The following CARS2 variants were observed in gnomAD, a reference collection of about 807,000 sequenced individuals.
CARS2 encodes the protein probable cysteine--tRNA ligase, mitochondrial.
CARS2 carries 52 observed loss-of-function variants against 68.8 expected under a neutral mutation model. The observed-to-expected ratio is 0.76, with a 90% CI of 0.61 to 0.95. The LOEUF (loss-of-function observed/expected upper bound fraction) is 0.95. Among genes scored for constraint, CARS2 ranks in the 40% least tolerant of loss-of-function variants. The pLI, the probability that CARS2 is intolerant of heterozygous loss-of-function variation, is 0.00. For missense variants in CARS2, 780 were observed against 754.2 expected (o/e 1.03, Z -0.40); for synonymous variants, 314 against 303.6 (o/e 1.03, Z -0.36).
At chr13:110,645,860 G>A in intron 12 of CARS2, 107 bp downstream of exon 12, 1 of 1,388,922 alleles carries the variant, frequency 7.2e-7, no homozygotes, top group Non-Finnish European at 9.7e-7. Flanking sequence ...GCTGCGGGAG[G>A]CGAAATCAGC....
chr13:110,659,227 T>G (rs770122819), intron 9 of CARS2, among the ~76,000 whole-genome samples: 6 of 152,050 alleles, frequency 3.9e-5, no homozygotes, highest in African/African-American at 1.4e-4. Context: ...GCCCTGAATA[T>G]GCCTCCCTGG....
Position 110,672,173 on chromosome 13 carries a change from G to A in CARS2, c.786-4700C>T, listed in dbSNP as rs530499093. Reference sequence around the variant, plus strand: ...CAGATCAATGAGACAGAAAGTTAACGAGGATATCCAGGAATTGAACTCAGA... The same window carrying A: ...CAGATCAATGAGACAGAAAGTTAACAAGGATATCCAGGAATTGAACTCAGA... On this transcript the variant is annotated intron_variant, in intron 7 of 14. Coordinates refer to ENST00000257347, the MANE Select transcript of CARS2 (RefSeq NM_024537.4). Among the ~76,000 whole-genome samples, 41 of 152,112 alleles carry A rather than the reference G, an allele frequency of 2.7e-4. 1 individual carries two copies. The highest frequency in any genetic ancestry group is 1.6e-3 in the Admixed American group (24 of 15,266).
chr13:110,642,480 C>A lies in CARS2; in HGVS notation c.1458G>T (p.Val486=). The A allele has an allele frequency of 6.2e-7, 1 of 1,610,460 alleles. No homozygotes were observed. The highest frequency in any genetic ancestry group is 8.5e-7 in the Non-Finnish European group (1 of 1,178,858). ...GCCGGAACCGCACCAGCTCGTCCAC[C>A]ACACCATGCAAGGTAGCCTCGCTGC... ...GDGSEATLHG[V]VDELVRFRQK... Residue 486 remains valine, a synonymous_variant, in exon 14 of 15, where the codon GTG becomes GTT. Coordinates refer to ENST00000257347, the MANE Select transcript of CARS2 (RefSeq NM_024537.4).
At chr13:110,710,463 T>C (rs1234687318), upstream of CARS2, among the ~76,000 whole-genome samples, 4 of 97,994 alleles carry the variant, frequency 4.1e-5, no homozygotes, top group Non-Finnish European at 8.4e-5. Context: ...ACTGGAAATA[T>C]AATTTTAGAA....
intron 7 of CARS2, among the ~76,000 whole-genome samples, chr13:110,672,322 A>T (rs2062825195): frequency 1.3e-5 from 2 of 152,180 alleles, no homozygotes; most frequent in South Asian, 4.1e-4. Context: ...GAAGTAAAGC[A>T]CTCCTCAGCA....
chr13:110,658,789 C>T (rs1296006960), intron 9 of CARS2, among the ~76,000 whole-genome samples: 1 of 152,044 alleles, frequency 6.6e-6, no homozygotes, highest in East Asian at 1.9e-4. Context: ...ATTAGCCAGG[C>T]ATGGTGGTGT....
At chr13:110,709,937 CAAAAT>C (rs1178284517), upstream of CARS2, among the ~76,000 whole-genome samples, 1 of 152,030 alleles carries the variant, frequency 6.6e-6, no homozygotes, top group African/African-American at 2.4e-5. Context: ...ACAACAATAA[CAAAAT>C]CAAGTTCTCA....
At chr13:110,690,718 C>T (rs2063434778) in intron 3 of CARS2, among the ~76,000 whole-genome samples, 1 of 152,254 alleles carries the variant, frequency 6.6e-6, no homozygotes, top group African/African-American at 2.4e-5. Flanking sequence ...GGCACAGGCT[C>T]ATGGACTTGG....
intron 2 of CARS2, among the ~76,000 whole-genome samples, chr13:110,703,571 T>C (rs1394145713): frequency 6.6e-6 from 1 of 152,264 alleles, no homozygotes; most frequent in Admixed American, 6.5e-5. Flanking sequence ...AAGACTTGAC[T>C]CTCCTAGTTG....
intron 7 of CARS2, among the ~76,000 whole-genome samples, chr13:110,669,346 C>G (rs1256868615): frequency 6.6e-6 from 1 of 152,038 alleles, no homozygotes; most frequent in East Asian, 1.9e-4. Flanking sequence ...AGATAATTAT[C>G]TCCACCCAAA....
intron 3 of CARS2, among the ~76,000 whole-genome samples, chr13:110,700,920 A>G (rs897709421): frequency 2.0e-5 from 3 of 152,202 alleles, no homozygotes; most frequent in Non-Finnish European, 4.4e-5. Flanking sequence ...AGCGATCACA[A>G]TACGATAGAT....
intron 13 of CARS2, 156 bp from the exon 14 acceptor site, chr13:110,642,677 G>C (rs761592702): frequency 1.9e-5 from 15 of 802,136 alleles, no homozygotes; most frequent in Non-Finnish European, 3.1e-5. Context: ...GCAGGGATGG[G>C]TACAGCCCGC....
intron 2 of CARS2, 133 bp from the exon 3 acceptor site, chr13:110,701,688 G>A (rs562461326): frequency 1.0e-5 from 6 of 584,906 alleles, no homozygotes; most frequent in African/African-American, 3.7e-5. Flanking sequence ...CAGCGGAGCA[G>A]GTACAAGGAA....
chr13:110,656,639 C>T (rs1298297380), intron 9 of CARS2, among the ~76,000 whole-genome samples: 1 of 152,122 alleles, frequency 6.6e-6, no homozygotes, highest in African/African-American at 2.4e-5. Flanking sequence ...AAGCCCAGCA[C>T]TTTGGGAGGC....
At chr13:110,641,993 G>A (rs1368789797) in intron 14 of CARS2, among the ~76,000 whole-genome samples, 2 of 152,272 alleles carry the variant, frequency 1.3e-5, no homozygotes, top group Non-Finnish European at 2.9e-5. Context: ...CCTGAGGTCG[G>A]GAGTTTGAGA....
intron 12 of CARS2, 64 bp downstream of exon 12, chr13:110,645,903 C>T (rs966326753): frequency 5.7e-5 from 90 of 1,565,692 alleles, no homozygotes; most frequent in Non-Finnish European, 7.3e-5. Context: ...GAGAAAAACC[C>T]ACCAGAGGAC....
chr13:110,669,378 A>C (rs1002454193), intron 7 of CARS2, among the ~76,000 whole-genome samples: 3 of 152,262 alleles, frequency 2.0e-5, no homozygotes, highest in Non-Finnish European at 2.9e-5. Flanking sequence ...CCCAGCCAGG[A>C]AACACATCCT....
At chr13:110,666,430 A>T (rs2062650039) in intron 8 of CARS2, 1 of 985,416 alleles carries the variant, frequency 1.0e-6, no homozygotes, top group Non-Finnish European at 1.2e-6. Flanking sequence ...AAACTGGGGC[A>T]CTGTGAGAGG....
At chr13:110,687,615 G>A (rs955739276) in intron 5 of CARS2, 106 bp downstream of exon 5, 24 of 672,760 alleles carry the variant, frequency 3.6e-5, no homozygotes, top group Non-Finnish European at 5.6e-5. Context: ...GGAGGCAGAG[G>A]TTGCAGTGAG....
Sources: allele counts gnomAD v4.1 joint callset (sites outside exome capture counted in the v4.1 genomes callset), GRCh38; gene constraint gnomAD v4.1.1; transcripts MANE v1.5; gene names NCBI Gene and HGNC (gene_info 2026-07-23, HGNC 2026-07-21).